The following CCDC175 variants were observed in gnomAD, a reference collection of about 807,000 sequenced individuals.
The protein encoded by CCDC175 is coiled-coil domain-containing protein 175.
Under a neutral mutation model 114.6 loss-of-function variants are expected in CCDC175, and 100 were observed. The ratio of observed to expected loss-of-function variants is 0.87; its 90% confidence interval spans 0.74 to 1.03. CCDC175 has a LOEUF of 1.03. Among genes scored for constraint, CCDC175 ranks in the 50% least tolerant of loss-of-function variants. CCDC175 has a pLI of 0.00. For synonymous variants in CCDC175, 306 were observed against 308.7 expected (o/e 0.99, Z 0.09); for missense variants, 880 against 917.8 (o/e 0.96, Z 0.53).
chr14:59,520,008 C>T (rs1312850994), intron 17 of CCDC175, among the ~76,000 whole-genome samples: 1 of 152,238 alleles, frequency 6.6e-6, no homozygotes, highest in African/African-American at 2.4e-5. Flanking sequence ...CAGTTCCCGG[C>T]TGTTGAATTA....
chr14:59,544,253 G>A (rs1261886767), intron 9 of CCDC175, among the ~76,000 whole-genome samples: 1 of 151,986 alleles, frequency 6.6e-6, no homozygotes, highest in Non-Finnish European at 1.5e-5. Flanking sequence ...TGTAACCTCC[G>A]CCTCCTGGGT....
At chr14:59,518,363 C>T (rs1162534860) in intron 17 of CCDC175, among the ~76,000 whole-genome samples, 1 of 152,150 alleles carries the variant, frequency 6.6e-6, no homozygotes, top group Non-Finnish European at 1.5e-5. Flanking sequence ...GCAAAAGAAA[C>T]TATCATCAGA....
intron 13 of CCDC175, among the ~76,000 whole-genome samples, chr14:59,536,752 A>T (rs919199688): frequency 1.3e-4 from 20 of 152,060 alleles, no homozygotes; most frequent in Admixed American, 3.3e-4. Flanking sequence ...TTATTTTTTT[A>T]AATTCATAGA....
At chr14:59,554,107 A>C (rs2140083096) in intron 7 of CCDC175, among the ~76,000 whole-genome samples, 1 of 152,342 alleles carries the variant, frequency 6.6e-6, no homozygotes, top group South Asian at 2.1e-4. Flanking sequence ...GCTCTGCACC[A>C]AGCCAACCTA....
intron 17 of CCDC175, among the ~76,000 whole-genome samples, chr14:59,516,861 A>C (rs1312396874): frequency 1.3e-5 from 2 of 152,196 alleles, no homozygotes; most frequent in Non-Finnish European, 2.9e-5. Context: ...GCAGAGACAC[A>C]ACAAAAAAAG....
At chr14:59,562,866 G>A (rs1896301236) in intron 6 of CCDC175, among the ~76,000 whole-genome samples, 1 of 152,088 alleles carries the variant, frequency 6.6e-6, no homozygotes, top group African/African-American at 2.4e-5. Context: ...TTTAAAAACA[G>A]ATAATAATTT....
At position 59,545,280 on chromosome 14, in the gene CCDC175, G is replaced by C; in HGVS notation, c.1055C>G (p.Ala352Gly). The C allele has an allele frequency of 6.5e-7, 1 of 1,536,616 alleles. No individual in the cohort carries two copies. The highest frequency in any genetic ancestry group is 1.4e-5 in the African/African-American group (1 of 73,032). ...KIKQLVETLH[A>G]ARMEYKDLRE... ...TAGGTCTTTGTATTCCATACGAGCA[G>C]CATGCAGTGTTTCAACCAGCTAGAG... is the stretch of plus-strand genomic sequence containing the variant. Residue 352 changes from alanine to glycine, a missense_variant, in exon 9 of 20, where the codon GCT becomes GGT. Transcript: ENST00000537690.
At chr14:59,564,996 C>T (rs900608110) in intron 5 of CCDC175, 51 bp downstream of exon 5, 4 of 1,294,622 alleles carry the variant, frequency 3.1e-6, no homozygotes, top group Non-Finnish European at 2.1e-6. Context: ...CCATTTCCTG[C>T]TCCAGATTCT....
chr14:59,534,741 T>A (rs139448222), intron 13 of CCDC175, among the ~76,000 whole-genome samples: 1 of 152,250 alleles, frequency 6.6e-6, no homozygotes, highest in East Asian at 1.9e-4. Context: ...GATAGAAGAT[T>A]TACAACGGAG....
At chr14:59,512,538 C>T (rs1566592606) in intron 17 of CCDC175, among the ~76,000 whole-genome samples, 1 of 152,152 alleles carries the variant, frequency 6.6e-6, no homozygotes, top group Non-Finnish European at 1.5e-5. Flanking sequence ...TTTCCCTTTG[C>T]TGATTTTACT....
At chr14:59,507,203 C>G (rs1026473316) in intron 19 of CCDC175, among the ~76,000 whole-genome samples, 2 of 152,188 alleles carry the variant, frequency 1.3e-5, no homozygotes, top group Non-Finnish European at 2.9e-5. Context: ...TCCACTCAGC[C>G]TTGCTACTTG....
In CCDC175 at chr14:59,571,265, G is replaced by C. The variant is rs542471295; in HGVS notation, c.355+1437C>G. On this transcript the variant is annotated intron_variant, in intron 3 of 19. Coordinates refer to ENST00000537690, the MANE Select transcript of CCDC175 (RefSeq NM_001164399.2). ...GCATTGAATTTGGGAATGATTTCTT[G>C]ACTGCATCAAAATTTAAAACTTTTG... Among the ~76,000 whole-genome samples, 8 of 151,866 alleles carry C rather than the reference G, an allele frequency of 5.3e-5. No homozygotes were observed. The East Asian group carries it at 1.2e-3, about 22-fold the overall frequency.
chr14:59,512,435 A>G (rs1265845384), intron 17 of CCDC175, among the ~76,000 whole-genome samples: 1 of 152,188 alleles, frequency 6.6e-6, no homozygotes, highest in Non-Finnish European at 1.5e-5. Context: ...GGTTGGCAAC[A>G]CTTTGTATGT....
intron 10 of CCDC175, among the ~76,000 whole-genome samples, chr14:59,542,205 C>T (rs1314727314): frequency 2.6e-5 from 4 of 152,202 alleles, no homozygotes; most frequent in South Asian, 2.1e-4. Flanking sequence ...TCCTATATAA[C>T]GAAGGACTCC....
chr14:59,521,590 T>C lies in CCDC175; in HGVS notation c.2082A>G (p.Gln694=). 3.3e-6 allele frequency: 5 copies of C among 1,532,544 alleles called. No individual in the cohort carries two copies. The highest frequency in any genetic ancestry group is 3.5e-6 in the Non-Finnish European group (4 of 1,142,492). 94.9% of individuals were successfully genotyped at this position (1,532,544 alleles called of 1,614,324 possible). ...ATTACTTACCCTCCTGAGCTATTAG[T>C]TGCCGAGACAAGTCGCTTGAGGTGT... ...LMHTSSDLSR[Q]LIAQEAQYKD... The change falls in exon 17 of 20, where the codon CAA becomes CAG. Residue 694 remains glutamine, a synonymous_variant. Transcript: ENST00000537690.
intron 7 of CCDC175, among the ~76,000 whole-genome samples, chr14:59,555,479 C>T (rs1269760010): frequency 6.6e-6 from 1 of 152,102 alleles, no homozygotes; most frequent in African/African-American, 2.4e-5. Flanking sequence ...ATAATAAGAG[C>T]TATTTATGAC....
At chr14:59,547,528 A>C (rs1407868813) in intron 8 of CCDC175, among the ~76,000 whole-genome samples, 3 of 152,252 alleles carry the variant, frequency 2.0e-5, no homozygotes, top group African/African-American at 7.2e-5. Flanking sequence ...GAATAGAGTC[A>C]ACAATCCACA....
chr14:59,538,177 T>G lies in CCDC175; in HGVS notation c.1492-23A>C, dbSNP rs544495362. 107 of 1,525,736 alleles carry G rather than the reference T, an allele frequency of 7.0e-5. 1 individual carries two copies. In the Middle Eastern group the frequency reaches 2.5e-3, roughly 36 times the overall value. 94.5% of individuals were successfully genotyped at this position (1,525,736 alleles called of 1,614,324 possible). On this transcript the variant is annotated intron_variant, in intron 12 of 19. Coordinates refer to ENST00000537690, the MANE Select transcript of CCDC175 (RefSeq NM_001164399.2). ...GGTCTAATTAGAGAAAAATAAGAAT[T>G]TGTCATTTCTCTTGTAGTGATCAGC...
At chr14:59,573,239 T>C (rs1475882525) in intron 2 of CCDC175, among the ~76,000 whole-genome samples, 1 of 152,200 alleles carries the variant, frequency 6.6e-6, no homozygotes, top group Admixed American at 6.5e-5. Flanking sequence ...AAAGCTGTTA[T>C]TATTACTTTT....
Sources: gnomAD v4.1 joint callset for allele counts (sites outside exome capture counted in the v4.1 genomes callset) on GRCh38, gnomAD v4.1.1 for gene constraint, MANE v1.5 for transcripts, NCBI Gene and HGNC (gene_info 2026-07-23, HGNC 2026-07-21) for gene names.